ACTR3: variants seen among roughly 807,000 people sequenced by gnomAD.
ACTR3 encodes the protein actin-related protein 3.
Under a neutral mutation model 56.8 loss-of-function variants are expected in ACTR3, and 12 were observed. That is an observed-to-expected ratio of 0.21 (90% CI 0.14 to 0.34). The LOEUF is 0.34. Among genes scored for constraint, ACTR3 ranks in the 10% least tolerant of loss-of-function variants. The pLI, the probability that ACTR3 is intolerant of heterozygous loss-of-function variation, is 1.00. For synonymous variants in ACTR3, 162 were observed against 167.4 expected, an observed-to-expected ratio of 0.97 and a Z score of 0.25; for missense variants, 282 against 512.5, an observed-to-expected ratio of 0.55 and a Z score of 4.34.
At chr2:113,904,195 T>C (rs563809738) in intron 1 of ACTR3, 5 of 152,290 alleles carry the variant, frequency 3.3e-5, no homozygotes, top group African/African-American at 1.2e-4. Context: ...CCTTGATGAG[T>C]CCCTGAAGCT....
At chr2:113,936,759 T>C (rs1559481737) in intron 6 of ACTR3, among the ~76,000 whole-genome samples, 1 of 152,164 alleles carries the variant, frequency 6.6e-6, no homozygotes, top group Non-Finnish European at 1.5e-5. Flanking sequence ...GAACCAAAAA[T>C]TGTGATATAA....
intron 4 of ACTR3, among the ~76,000 whole-genome samples, chr2:113,929,005 T>G (rs1679670636): frequency 6.6e-6 from 1 of 152,198 alleles, no homozygotes; most frequent in African/African-American, 2.4e-5. Flanking sequence ...CTTAGCATAA[T>G]CTGGAGATTG....
In ACTR3 at chr2:113,962,247, A is replaced by G. The variant is rs1400712509; in HGVS notation, c.*4792A>G. ...ATGACTTTTCTGAAGCAGGTCTTAA[A>G]TAATTATCTAAGCCTTCAGTCATTT... On this transcript the variant is annotated 3_prime_UTR_variant, in exon 12 of 12. Coordinates refer to ENST00000263238, the MANE Select transcript of ACTR3 (RefSeq NM_005721.5). 1 of 151,978 alleles carries G rather than the reference A, an allele frequency of 6.6e-6. No homozygotes were observed. The highest frequency in any genetic ancestry group is 2.4e-5 in the African/African-American group (1 of 41,436). 9.4% of individuals were successfully genotyped at this position (151,978 alleles called of 1,614,324 possible). A position where few individuals can be genotyped will look rare whatever the true frequency, so the allele number is the denominator to read the frequency against.
upstream of ACTR3, chr2:113,889,945 T>C (rs2104573361): frequency 3.8e-6 from 2 of 525,912 alleles, no homozygotes; most frequent in Admixed American, 3.8e-5. Flanking sequence ...GGCCGGGGCG[T>C]CGGCACCGGC....
At chr2:113,894,979 AC>A (rs951408287) in intron 1 of ACTR3, among the ~76,000 whole-genome samples, 5 of 148,566 alleles carry the variant, frequency 3.4e-5, no homozygotes, top group Non-Finnish European at 7.4e-5. Context: ...AAGAACTCTT[AC>A]AAAAAAAAAT....
intron 4 of ACTR3, among the ~76,000 whole-genome samples, chr2:113,930,385 T>G (rs188088097): frequency 2.4e-4 from 36 of 152,292 alleles, no homozygotes; most frequent in Non-Finnish European, 4.7e-4. Flanking sequence ...AAATATTTAA[T>G]TTTTAATGGA....
At chr2:113,940,224 A>C in intron 7 of ACTR3, 122 bp downstream of exon 7, 1 of 787,800 alleles carries the variant, frequency 1.3e-6, no homozygotes, top group Non-Finnish European at 1.9e-6. Flanking sequence ...GTTATAAATT[A>C]TTACCCTTAA....
At chr2:113,924,054 CTTTTTTTT>C (rs35658755) in intron 3 of ACTR3, among the ~76,000 whole-genome samples, 1 of 134,990 alleles carries the variant, frequency 7.4e-6, no homozygotes, top group Non-Finnish European at 1.6e-5. Flanking sequence ...ACTTTTTTCT[CTTTTTTTT>C]TTTTTTTTTG....
In ACTR3 at chr2:113,934,273, C is replaced by A; in HGVS notation, c.433-6C>A. On this transcript the variant is annotated splice_polypyrimidine_tract_variant and splice_region_variant and intron_variant, in intron 5 of 11. Transcript: ENST00000263238. ...TTTTTGCCTTTCTTCTTTCTTTGTG[C>A]TCAAGGCTGTTCTTGCCTTAGCTGC... 6.7e-7 allele frequency: 1 copy of A among 1,500,176 alleles called. No individual in the cohort carries two copies. Among genetic ancestry groups the A allele is most frequent in the Non-Finnish European group, 8.9e-7 (1 of 1,124,166 alleles). The allele number at this position is 1,500,176 out of a possible 1,614,324, so 92.9% of individuals were successfully genotyped here. A position where few individuals can be genotyped will look rare whatever the true frequency, so the allele number is the denominator to read the frequency against.
intron 1 of ACTR3, among the ~76,000 whole-genome samples, chr2:113,893,578 C>T (rs1277299985): frequency 2.6e-5 from 4 of 152,184 alleles, no homozygotes; most frequent in African/African-American, 7.2e-5. Context: ...AGGTGTGAGC[C>T]ACCGCGCCCA....
intron 10 of ACTR3, chr2:113,954,623 TG>T (rs1404006626): frequency 6.6e-6 from 1 of 151,578 alleles, no homozygotes; most frequent in Non-Finnish European, 1.5e-5. Flanking sequence ...GTTATTCAAA[TG>T]GCTCTTAGGT....
chr2:113,946,127 G>T (rs1680015132), intron 8 of ACTR3, among the ~76,000 whole-genome samples: 1 of 152,092 alleles, frequency 6.6e-6, no homozygotes, highest in Non-Finnish European at 1.5e-5. Flanking sequence ...CTTTATGATA[G>T]AACAATTTAT....
In ACTR3 at chr2:113,942,291, A is replaced by G. The variant is rs1679937574; in HGVS notation, c.790A>G (p.Lys264Glu). Residue 264 changes from lysine to glutamate, a missense_variant, in exon 8 of 12, where the codon AAG becomes GAG. Physicochemically the swap from Lys to Glu is moderately conservative, Grantham distance 56 (BLOSUM62 1). Transcript: ENST00000263238. ...KQYTGINAIS[K>E]KEFSIDVGYE... ...GTATACTGGAATCAATGCTATCTCA[A>G]AGAAAGAGTTTTCTATCGATGTTGG... is the stretch of plus-strand genomic sequence containing the variant. The G allele has an allele frequency of 1.2e-6, 2 of 1,603,900 alleles. No individual in the cohort carries two copies. Among genetic ancestry groups the G allele is most frequent in the African/African-American group, 1.3e-5 (1 of 74,398 alleles).
At chr2:113,893,501 C>G (rs1283975168) in intron 1 of ACTR3, among the ~76,000 whole-genome samples, 1 of 152,110 alleles carries the variant, frequency 6.6e-6, no homozygotes, top group Non-Finnish European at 1.5e-5. Context: ...ACCATGTTGA[C>G]CAGGATGGTC....
intron 3 of ACTR3, among the ~76,000 whole-genome samples, chr2:113,921,739 T>G (rs1036425540): frequency 5.9e-5 from 9 of 152,168 alleles, no homozygotes; most frequent in Non-Finnish European, 1.2e-4. Flanking sequence ...TTGAACACAT[T>G]GTGTTTGAGG....
chr2:113,920,422 T>C (rs1161703746), intron 3 of ACTR3, among the ~76,000 whole-genome samples: 2 of 152,262 alleles, frequency 1.3e-5, no homozygotes, highest in Non-Finnish European at 2.9e-5. Flanking sequence ...AGTGATATTT[T>C]GATATGTACA....
At chr2:113,910,520 G>C (rs752601674) in intron 1 of ACTR3, among the ~76,000 whole-genome samples, 87 of 152,262 alleles carry the variant, frequency 5.7e-4, no homozygotes, top group Non-Finnish European at 1.0e-3. Context: ...CAGAGTCTGG[G>C]GCTTGTGACT....
chr2:113,956,805 TC>T (rs1444018811), intron 11 of ACTR3, among the ~76,000 whole-genome samples: 1 of 152,234 alleles, frequency 6.6e-6, no homozygotes, highest in African/African-American at 2.4e-5. Flanking sequence ...GTTATTTTTT[TC>T]CTCAATTTTA....
chr2:113,914,737 CT>C (rs1398668952), intron 2 of ACTR3, among the ~76,000 whole-genome samples: 1 of 151,826 alleles, frequency 6.6e-6, no homozygotes, highest in Non-Finnish European at 1.5e-5. Context: ...ACTTATTTGA[CT>C]TGTGTGTTTC....
Sources: allele counts gnomAD v4.1 joint callset (sites outside exome capture counted in the v4.1 genomes callset), GRCh38; gene constraint gnomAD v4.1.1; transcripts MANE v1.5; gene names NCBI Gene and HGNC (gene_info 2026-07-23, HGNC 2026-07-21).